The following NEK10 variants were observed in gnomAD, a reference collection of about 807,000 sequenced individuals.
The protein encoded by NEK10 is serine/threonine-protein kinase Nek10.
A neutral mutation model predicts 159.8 loss-of-function variants in NEK10; 122 were observed. That is an observed-to-expected ratio of 0.76 (90% CI 0.66 to 0.89). The LOEUF (loss-of-function observed/expected upper bound fraction) is 0.89, where lower values mean the gene tolerates loss of function less well. Ranked by LOEUF, NEK10 falls within the 40% of genes least tolerant of loss-of-function variation. NEK10 has a pLI of 0.00. For missense variants in NEK10, 1,342 were observed against 1,323.1 expected, an observed-to-expected ratio of 1.01 and a Z score of -0.22; for synonymous variants, 466 against 457.1, an observed-to-expected ratio of 1.02 and a Z score of -0.25.
chr3:27,291,148 A>G, intron 18 of NEK10, 114 bp downstream of exon 18: 2 of 961,072 alleles, frequency 2.1e-6, no homozygotes, highest in Non-Finnish European at 3.1e-6. Context: ...TAATTTTCAT[A>G]TCTGTTTGCT....
chr3:27,303,844 C>T (rs1239336091), intron 12 of NEK10, among the ~76,000 whole-genome samples: 1 of 152,084 alleles, frequency 6.6e-6, no homozygotes, highest in African/African-American at 2.4e-5. Context: ...AGTCCCTCTG[C>T]TTTTATTAGA....
At position 27,171,976 on chromosome 3, in the gene NEK10, T is replaced by C. The variant is rs1263423511; in HGVS notation, c.2777-103A>G. ...ACTGAACAACAAATACTGGTGAAGA[T>C]GCAGAGAAAAGGGAACTCATACACT... On this transcript the variant is annotated intron_variant, in intron 28 of 35. Coordinates refer to ENST00000691995, the MANE Select transcript of NEK10 (RefSeq NM_001394966.1). 3.2e-6 allele frequency: 4 copies of C among 1,264,958 alleles called. No homozygotes were observed. The Admixed American group carries it at 7.2e-5, about 23-fold the overall frequency. 78.4% of individuals were successfully genotyped at this position (1,264,958 alleles called of 1,614,324 possible).
chr3:27,179,048 G>A (rs1470952104), intron 26 of NEK10, among the ~76,000 whole-genome samples: 1 of 152,128 alleles, frequency 6.6e-6, no homozygotes, highest in Non-Finnish European at 1.5e-5. Context: ...AAATACAGAG[G>A]CACACCACTG....
chr3:27,295,010 C>T (rs1046933421), intron 15 of NEK10, among the ~76,000 whole-genome samples: 6 of 152,124 alleles, frequency 3.9e-5, no homozygotes, highest in African/African-American at 1.2e-4. Context: ...TCTCCCAACA[C>T]CCACTCCTCA....
At chr3:27,253,533 G>A (rs898794541) in intron 23 of NEK10, among the ~76,000 whole-genome samples, 1 of 152,072 alleles carries the variant, frequency 6.6e-6, no homozygotes, top group South Asian at 2.1e-4. Flanking sequence ...TAGTACAATC[G>A]GTCCAGCAAT....
intron 23 of NEK10, among the ~76,000 whole-genome samples, chr3:27,219,064 T>C (rs145120813): frequency 2.0e-5 from 3 of 152,368 alleles, no homozygotes; most frequent in Admixed American, 6.5e-5. Context: ...TTTATAATTG[T>C]TCATTCTTTC....
chr3:27,347,216 A>G (rs1357654342), intron 3 of NEK10, among the ~76,000 whole-genome samples: 1 of 152,178 alleles, frequency 6.6e-6, no homozygotes, highest in Non-Finnish European at 1.5e-5. Flanking sequence ...GTAAATCAGT[A>G]TGAAGACATC....
At chr3:27,231,369 A>G (rs1343987855) in intron 23 of NEK10, among the ~76,000 whole-genome samples, 1 of 152,092 alleles carries the variant, frequency 6.6e-6, no homozygotes, top group Non-Finnish European at 1.5e-5. Flanking sequence ...GAAAGTTCAT[A>G]GCATTAAATG....
chr3:27,182,319 C>T (rs967445583), intron 26 of NEK10, among the ~76,000 whole-genome samples: 4 of 152,146 alleles, frequency 2.6e-5, no homozygotes, highest in African/African-American at 9.6e-5. Flanking sequence ...ATATTCAAAA[C>T]ATCATGTTGT....
intron 11 of NEK10, among the ~76,000 whole-genome samples, chr3:27,306,391 TC>T (rs1045072789): frequency 2.6e-5 from 4 of 152,262 alleles, no homozygotes; most frequent in African/African-American, 4.8e-5. Context: ...CTCCTCTCCC[TC>T]CCAAATTTTG....
chr3:27,125,379 T>G (rs1023767836), intron 32 of NEK10, among the ~76,000 whole-genome samples: 14 of 152,172 alleles, frequency 9.2e-5, no homozygotes, highest in Non-Finnish European at 1.9e-4. Flanking sequence ...GGTAGAACTC[T>G]GAAGGAAACT....
At chr3:27,206,250 G>A (rs1261440760) in intron 23 of NEK10, among the ~76,000 whole-genome samples, 1 of 152,104 alleles carries the variant, frequency 6.6e-6, no homozygotes, top group Non-Finnish European at 1.5e-5. Context: ...AAGCACTAGT[G>A]ACTAGTAGAA....
intron 11 of NEK10, among the ~76,000 whole-genome samples, chr3:27,305,746 C>G (rs1038841650): frequency 2.6e-5 from 4 of 152,030 alleles, no homozygotes; most frequent in Admixed American, 6.6e-5. Context: ...GGGCAAAGCA[C>G]TCAGTTACTA....
In NEK10 at chr3:27,352,756, C is replaced by T. The variant is rs576794891; in HGVS notation, c.71+56G>A. On this transcript the variant is annotated intron_variant, in intron 2 of 35. Coordinates refer to ENST00000691995, the MANE Select transcript of NEK10 (RefSeq NM_001394966.1). Reference sequence around the variant, plus strand: ...TCTATTTCTCAAAAAGCCATTAAATCTGTTCAATGGCCACTGCCTGAGTTA... The same window carrying T: ...TCTATTTCTCAAAAAGCCATTAAATTTGTTCAATGGCCACTGCCTGAGTTA... 8 of 1,197,738 alleles carry T rather than the reference C, an allele frequency of 6.7e-6. No individual in the cohort carries two copies. In the South Asian group the frequency reaches 8.6e-5, roughly 13 times the overall value. The allele number at this position is 1,197,738 out of a possible 1,614,324, so 74.2% of individuals were successfully genotyped here. A position where few individuals can be genotyped will look rare whatever the true frequency, so the allele number is the denominator to read the frequency against.
At chr3:27,282,884 G>A (rs2042311182) in intron 22 of NEK10, among the ~76,000 whole-genome samples, 1 of 151,406 alleles carries the variant, frequency 6.6e-6, no homozygotes, top group East Asian at 1.9e-4. Flanking sequence ...TATAAAAAGA[G>A]AAAACATAAA....
chr3:27,148,376 G>A (rs376743614), intron 30 of NEK10, among the ~76,000 whole-genome samples: 2 of 152,086 alleles, frequency 1.3e-5, no homozygotes, highest in African/African-American at 4.8e-5. Flanking sequence ...GCCAACACAT[G>A]GATAGATTCT....
intron 5 of NEK10, among the ~76,000 whole-genome samples, chr3:27,329,922 TCAGGAGTTC>T (rs570820746): frequency 4.2e-4 from 64 of 152,308 alleles, no homozygotes; most frequent in African/African-American, 1.5e-3. Flanking sequence ...CTTGGTATCC[TCAGGAGTTC>T]CAGGACACCC....
intron 23 of NEK10, among the ~76,000 whole-genome samples, chr3:27,223,780 T>A (rs1952358036): frequency 6.6e-6 from 1 of 152,118 alleles, no homozygotes; most frequent in African/African-American, 2.4e-5. Flanking sequence ...CCAGAAACAC[T>A]CCCCTGAGGC....
At chr3:27,202,195 C>T (rs775187302) in intron 24 of NEK10, among the ~76,000 whole-genome samples, 12 of 151,258 alleles carry the variant, frequency 7.9e-5, no homozygotes, top group Non-Finnish European at 1.5e-4. Flanking sequence ...GACCAAACGT[C>T]TTTTTAAAAA....
Sources: gnomAD v4.1 joint callset for allele counts (sites outside exome capture counted in the v4.1 genomes callset) on GRCh38, gnomAD v4.1.1 for gene constraint, MANE v1.5 for transcripts, NCBI Gene and HGNC (gene_info 2026-07-23, HGNC 2026-07-21) for gene names.